Variants in TFDP1 observed in about 807,000 individuals in gnomAD.
TFDP1 encodes DRTF1-polypeptide 1.
TFDP1 carries 6 observed loss-of-function variants against 48.0 expected under a neutral mutation model. The observed-to-expected ratio is 0.13, with a 90% CI of 0.07 to 0.25. The LOEUF is 0.25. TFDP1 is among the 10% of genes least tolerant of loss of function. TFDP1 has a pLI of 1.00. For synonymous variants in TFDP1, 201 were observed against 211.6 expected, an observed-to-expected ratio of 0.95 and a Z score of 0.44; for missense variants, 335 against 543.0, an observed-to-expected ratio of 0.62 and a Z score of 3.81.
At chr13:113,632,901 C>T (rs923080783) in intron 5 of TFDP1, among the ~76,000 whole-genome samples, 1 of 152,242 alleles carries the variant, frequency 6.6e-6, no homozygotes, top group South Asian at 2.1e-4. Context: ...AGAGGTGCAG[C>T]CTGCTGGGGA....
chr13:113,602,844 C>T (rs1307292501), intron 2 of TFDP1, among the ~76,000 whole-genome samples: 1 of 152,134 alleles, frequency 6.6e-6, no homozygotes, highest in Non-Finnish European at 1.5e-5. Context: ...GTTTTCTTAC[C>T]AGGCAAAATT....
intron 8 of TFDP1, among the ~76,000 whole-genome samples, chr13:113,635,493 G>A (rs1292829387): frequency 6.6e-6 from 1 of 152,184 alleles, no homozygotes; most frequent in Non-Finnish European, 1.5e-5. Context: ...GGGGCCCTGA[G>A]GCCCTGGCCC....
rs1193692212 is a variant in TFDP1, at chr13:113,611,049, T to C, written c.66T>C (p.Leu22=). 1 of 1,614,152 alleles carries C rather than the reference T, an allele frequency of 6.2e-7. No homozygotes were observed. Among genetic ancestry groups the C allele is most frequent in the East Asian group, 2.2e-5 (1 of 44,890 alleles). ...TCAAGGTCTTCATAGACCAGAACCT[T>C]AGTCCCGGGAAAGGTAAGGGCACCT... ...GELKVFIDQN[L]SPGKGVVSLV... The change falls in exon 3 of 12, where the codon CTT becomes CTC. Residue 22 remains leucine (L), a synonymous_variant. Transcript: ENST00000375370.
Position 113,585,816 on chromosome 13 carries a change from T to C in TFDP1, c.-22T>C, listed in dbSNP as rs769544841. 4.2e-5 allele frequency: 67 copies of C among 1,595,268 alleles called. No homozygotes were observed. Among genetic ancestry groups the C allele is most frequent in the East Asian group, 2.7e-4 (12 of 44,446 alleles). The stretch of plus-strand genomic sequence containing the variant: ...TCTGGGAAGGTGAACATTTGTAGCA[T>C]TGATTTCCCGGATCTGGTAACATGG... On this transcript the variant is annotated 5_prime_UTR_variant, in exon 2 of 12. Coordinates refer to ENST00000375370, the MANE Select transcript of TFDP1 (RefSeq NM_007111.5).
intron 2 of TFDP1, among the ~76,000 whole-genome samples, chr13:113,586,892 C>T (rs896031921): frequency 7.9e-5 from 12 of 152,230 alleles, no homozygotes; most frequent in African/African-American, 1.4e-4. Flanking sequence ...CTACTTTTAT[C>T]CTCTCCACTG....
At chr13:113,625,009 T>C (rs2049098893) in intron 4 of TFDP1, among the ~76,000 whole-genome samples, 2 of 142,286 alleles carry the variant, frequency 1.4e-5, no homozygotes, top group African/African-American at 5.3e-5. Context: ...TGTCCTCAGG[T>C]GTCTCTCACG....
At chr13:113,586,885 C>A (rs1253340770) in intron 2 of TFDP1, among the ~76,000 whole-genome samples, 1 of 152,218 alleles carries the variant, frequency 6.6e-6, no homozygotes, top group Non-Finnish European at 1.5e-5. Context: ...TGCGAGACTA[C>A]TTTTATCCTC....
intron 2 of TFDP1, chr13:113,586,257 C>T (rs926218964): frequency 6.2e-6 from 1 of 160,392 alleles, no homozygotes; most frequent in African/African-American, 2.4e-5. Context: ...AGGGCTCAGG[C>T]TGTAGCCACC....
chr13:113,635,932 T>A (rs754121327), intron 8 of TFDP1, 45 bp from the exon 9 acceptor site: 11 of 1,593,768 alleles, frequency 6.9e-6, no homozygotes, highest in Admixed American at 3.4e-5. Flanking sequence ...AGGGGCTGCG[T>A]TCTTGTGCCG....
rs1444246605 is a variant in TFDP1 at position 113,591,000 on chromosome 13, A to C, written c.12+5151A>C. 4.3e-4 allele frequency among the ~76,000 whole-genome samples: 39 copies of C among 91,536 alleles called. No homozygotes were observed. The Admixed American group carries it at 5.8e-3, about 14-fold the overall frequency. The allele number at this position is 91,536 out of a possible 152,430, so 60.1% of individuals were successfully genotyped here. On this transcript the variant is annotated intron_variant, in intron 2 of 11. Transcript: ENST00000375370. ...ACTCCAGCCTGGGCGACAGAGCGAGACTCTGTCTCAAAAAAAAAAAAAAAA... is the reference window on the plus strand; with the variant it reads ...ACTCCAGCCTGGGCGACAGAGCGAGCCTCTGTCTCAAAAAAAAAAAAAAAA...
chr13:113,612,394 TC>T (rs1397375806), intron 3 of TFDP1, among the ~76,000 whole-genome samples: 1 of 152,252 alleles, frequency 6.6e-6, no homozygotes, highest in Non-Finnish European at 1.5e-5. Context: ...AGCAGGTCCT[TC>T]CCTGCCGCTT....
chr13:113,634,079 T>C, intron 7 of TFDP1, 46 bp downstream of exon 7: 1 of 1,613,630 alleles, frequency 6.2e-7, no homozygotes, highest in Non-Finnish European at 8.5e-7. Flanking sequence ...TTCAAGTCCG[T>C]GTAGATGTTT....
At chr13:113,596,012 G>T (rs1036027573) in intron 2 of TFDP1, among the ~76,000 whole-genome samples, 3 of 152,202 alleles carry the variant, frequency 2.0e-5, no homozygotes, top group Admixed American at 1.3e-4. Context: ...AACCCAGGAG[G>T]CGGAGCTTGC....
chr13:113,630,881 T>C (rs1046036326), intron 4 of TFDP1, among the ~76,000 whole-genome samples: 5 of 152,144 alleles, frequency 3.3e-5, no homozygotes, highest in Non-Finnish European at 2.9e-5. Flanking sequence ...GGTGGGTCAG[T>C]GTCCACACTG....
At chr13:113,625,400 T>C (rs1485205766) in intron 4 of TFDP1, among the ~76,000 whole-genome samples, 13 of 77,070 alleles carry the variant, frequency 1.7e-4, no homozygotes, top group East Asian at 4.6e-4. Context: ...GCGTCTCACG[T>C]GTCCTCAGGT....
At position 113,623,048 on chromosome 13, in the gene TFDP1, G is replaced by T; in HGVS notation, c.80-132G>T. On this transcript the variant is annotated intron_variant, in intron 3 of 11. Coordinates refer to ENST00000375370, the MANE Select transcript of TFDP1 (RefSeq NM_007111.5). This position sits in a 1 kb window ranked among gnomAD's most constrained non-coding sequence, Gnocchi z 5.2. ...ATGGAGGTGTTGCTCTTGAGCCCTG[G>T]ATTTGAGACAGTACACGTGGGGAAA... The T allele has an allele frequency of 1.3e-6, 1 of 770,492 alleles. No individual in the cohort carries two copies. Among genetic ancestry groups the T allele is most frequent in the Non-Finnish European group, 2.1e-6 (1 of 473,666 alleles). 47.7% of individuals were successfully genotyped at this position (770,492 alleles called of 1,614,324 possible). A position where few individuals can be genotyped will look rare whatever the true frequency, so the allele number is the denominator to read the frequency against.
chr13:113,590,926 C>T (rs914221269), intron 2 of TFDP1, among the ~76,000 whole-genome samples: 14 of 133,484 alleles, frequency 1.0e-4, no homozygotes, highest in Non-Finnish European at 1.6e-4. Context: ...AGGAGAATGG[C>T]GTGAACTCGG....
chr13:113,614,586 G>A (rs1214993008), intron 3 of TFDP1, among the ~76,000 whole-genome samples: 1 of 152,198 alleles, frequency 6.6e-6, no homozygotes, highest in Non-Finnish European at 1.5e-5. Context: ...AGGTAGAGGG[G>A]ACCAGCCCAG....
intron 2 of TFDP1, among the ~76,000 whole-genome samples, chr13:113,595,466 G>A (rs1373974194): frequency 1.3e-5 from 2 of 152,192 alleles, no homozygotes; most frequent in African/African-American, 4.8e-5. Flanking sequence ...GAGACATGTG[G>A]ATCTGTCCGA....
Sources: allele counts gnomAD v4.1 joint callset (sites outside exome capture counted in the v4.1 genomes callset), GRCh38; gene constraint gnomAD v4.1.1; non-coding constraint Gnocchi (gnomAD v3.1); transcripts MANE v1.5; gene names NCBI Gene and HGNC (gene_info 2026-07-23, HGNC 2026-07-21).